ZNF676: variants seen among roughly 807,000 people sequenced by gnomAD.
ZNF676 encodes the protein zinc finger protein 676.
In ZNF676, 4 loss-of-function variants were observed where a neutral mutation model predicts 6.0. The ratio of observed to expected loss-of-function variants is 0.67; its 90% confidence interval spans 0.33 to 1.53. The LOEUF (loss-of-function observed/expected upper bound fraction) is 1.53, where lower values mean the gene tolerates loss of function less well. Among genes scored for constraint, ZNF676 ranks in the 40% most tolerant of loss-of-function variants. The pLI is 0.06. For synonymous variants in ZNF676, 198 were observed against 223.1 expected, an observed-to-expected ratio of 0.89 and a Z score of 1.00; for missense variants, 644 against 679.7, an observed-to-expected ratio of 0.95 and a Z score of 0.58.
At chr19:22,231,155 A>T in the ZNF676 span, among the ~76,000 whole-genome samples, 1 of 152,020 alleles carries the variant, frequency 6.6e-6, no homozygotes, top group Admixed American at 6.6e-5. Context: ...GTTAAAATGT[A>T]GTTATATCTT....
intron 1 of ZNF676, among the ~76,000 whole-genome samples, chr19:22,214,854 A>G (rs1462991671): frequency 6.6e-6 from 1 of 151,618 alleles, no homozygotes; most frequent in Non-Finnish European, 1.5e-5. Context: ...CCTGACTAAC[A>G]CGGTGAAACT....
the ZNF676 span, among the ~76,000 whole-genome samples, chr19:22,253,891 A>G: frequency 6.6e-6 from 1 of 152,160 alleles, no homozygotes; most frequent in East Asian, 1.9e-4. Flanking sequence ...GCTTTATATA[A>G]TATGTAAAAA....
At chr19:22,250,182 C>T in the ZNF676 span, among the ~76,000 whole-genome samples, 12 of 113,750 alleles carry the variant, frequency 1.1e-4, no homozygotes, top group Non-Finnish European at 1.5e-4. Flanking sequence ...AACTCCATCT[C>T]AAAAAAAAAA....
chr19:22,186,030 A>C (rs1359542021), intron 2 of ZNF676, among the ~76,000 whole-genome samples: 1 of 152,102 alleles, frequency 6.6e-6, no homozygotes, highest in East Asian at 1.9e-4. Context: ...AATACAGAGA[A>C]CACCACAAAG....
the ZNF676 span, among the ~76,000 whole-genome samples, chr19:22,236,125 A>T: frequency 6.6e-6 from 1 of 151,746 alleles, no homozygotes; most frequent in South Asian, 2.1e-4. Flanking sequence ...AAATCCCTCC[A>T]CGGATGCAAT....
chr19:22,229,333 C>T, the ZNF676 span, among the ~76,000 whole-genome samples: 4 of 152,120 alleles, frequency 2.6e-5, no homozygotes, highest in Admixed American at 2.0e-4. Context: ...CTTCCTTACA[C>T]CATATACAAA....
the ZNF676 span, among the ~76,000 whole-genome samples, chr19:22,232,513 C>A: frequency 3.3e-5 from 5 of 151,972 alleles, no homozygotes; most frequent in African/African-American, 1.2e-4. Flanking sequence ...AAAATAAAAC[C>A]AGACAGAATA....
At chr19:22,255,081 G>C in the ZNF676 span, among the ~76,000 whole-genome samples, 2 of 152,166 alleles carry the variant, frequency 1.3e-5, no homozygotes, top group South Asian at 2.1e-4. Flanking sequence ...TCTCAAAGGT[G>C]AACTGGATCT....
rs1300805973 is a variant in ZNF676 at position 22,181,335 on chromosome 19, A to T, written c.382T>A (p.Ser128Thr). Residue 128 changes from serine to threonine, a missense_variant, in exon 3 of 3, where the codon TCA (serine) becomes ACA (threonine). Physicochemically the swap from Ser to Thr is moderately conservative, Grantham distance 58 (BLOSUM62 1). Transcript: ENST00000397121. Reference sequence around the variant, plus strand: ...GTATGCCTTATCTTATGTCTGTTTGAATTTGAACATTTATGAAAGACGTTT... The same window carrying T: ...GTATGCCTTATCTTATGTCTGTTTGTATTTGAACATTTATGAAAGACGTTT... ...YANVFHKCSN[S>T]NRHKIRHTGE... The T allele has an allele frequency of 6.8e-6, 11 of 1,613,706 alleles. No individual in the cohort carries two copies. Among genetic ancestry groups the T allele is most frequent in the Non-Finnish European group, 8.5e-6 (10 of 1,179,756 alleles).
chr19:22,202,680 CAGAA>C (rs1401001952), intron 1 of ZNF676, among the ~76,000 whole-genome samples: 3 of 152,180 alleles, frequency 2.0e-5, no homozygotes, highest in Non-Finnish European at 4.4e-5. Flanking sequence ...ATTGCAAAGA[CAGAA>C]AGACAGTCAC....
At chr19:22,209,363 A>G (rs1288861719) in intron 1 of ZNF676, among the ~76,000 whole-genome samples, 1 of 151,996 alleles carries the variant, frequency 6.6e-6, no homozygotes, top group East Asian at 1.9e-4. Flanking sequence ...TTGCAGCAAC[A>G]TGGATGAAGC....
upstream of ZNF676, among the ~76,000 whole-genome samples, chr19:22,218,328 A>G (rs957690059): frequency 6.6e-6 from 1 of 151,496 alleles, no homozygotes; most frequent in Non-Finnish European, 1.5e-5. Flanking sequence ...AGATGAAGAT[A>G]CTTTTTTTTT....
At chr19:22,238,533 C>A in the ZNF676 span, among the ~76,000 whole-genome samples, 1 of 152,110 alleles carries the variant, frequency 6.6e-6, no homozygotes, top group East Asian at 1.9e-4. Context: ...AAGCAGCCAA[C>A]CCCCGAAACA....
chr19:22,250,892 T>C, the ZNF676 span, among the ~76,000 whole-genome samples: 1 of 152,138 alleles, frequency 6.6e-6, no homozygotes, highest in Non-Finnish European at 1.5e-5. Context: ...TAGTATTTCA[T>C]GTCAAGATGG....
At chr19:22,216,811 C>A (rs539702887), upstream of ZNF676, among the ~76,000 whole-genome samples, 34 of 151,526 alleles carry the variant, frequency 2.2e-4, no homozygotes, top group East Asian at 4.0e-3. Context: ...TAGCCTCACC[C>A]TGTAGTACCA....
At chr19:22,218,579 C>T (rs777615000), upstream of ZNF676, among the ~76,000 whole-genome samples, 1 of 151,212 alleles carries the variant, frequency 6.6e-6, no homozygotes, top group Middle Eastern at 3.4e-3. Flanking sequence ...CTCCTGACCT[C>T]GTGATCCACC....
intron 1 of ZNF676, among the ~76,000 whole-genome samples, chr19:22,206,681 A>C (rs979080934): frequency 9.9e-5 from 15 of 152,244 alleles, no homozygotes; most frequent in African/African-American, 3.4e-4. Flanking sequence ...TCTCAAAAAA[A>C]AAAAAGAAAT....
At chr19:22,251,244 A>G in the ZNF676 span, among the ~76,000 whole-genome samples, 1 of 152,266 alleles carries the variant, frequency 6.6e-6, no homozygotes, top group Non-Finnish European at 1.5e-5. Flanking sequence ...TAATCAGGCC[A>G]ACTATAAGAC....
At chr19:22,202,317 GT>G (rs2024034365) in intron 1 of ZNF676, among the ~76,000 whole-genome samples, 1 of 152,118 alleles carries the variant, frequency 6.6e-6, no homozygotes, top group African/African-American at 2.4e-5. Flanking sequence ...GACCTATAAA[GT>G]TTGTAGAAAT....
Sources: allele counts gnomAD v4.1 joint callset (sites outside exome capture counted in the v4.1 genomes callset), GRCh38; gene constraint gnomAD v4.1.1; transcripts MANE v1.5; gene names NCBI Gene and HGNC (gene_info 2026-07-23, HGNC 2026-07-21).